RNF115: variants seen among roughly 807,000 people sequenced by gnomAD.
RNF115 encodes the protein ring finger protein 115.
Under a neutral mutation model 39.2 loss-of-function variants are expected in RNF115, and 31 were observed. The observed-to-expected ratio is 0.79, with a 90% CI of 0.59 to 1.07. The LOEUF is 1.07. Among genes scored for constraint, RNF115 ranks in the 50% least tolerant of loss-of-function variants. The pLI is 0.00. For missense variants in RNF115, 384 were observed against 381.7 expected, an observed-to-expected ratio of 1.01 and a Z score of -0.05; for synonymous variants, 124 against 131.0, an observed-to-expected ratio of 0.95 and a Z score of 0.37.
At chr1:145,750,655 T>G (rs1245420563) in intron 6 of RNF115, among the ~76,000 whole-genome samples, 155 bp from the exon 7 acceptor site, 1 of 152,230 alleles carries the variant, frequency 6.6e-6, no homozygotes, top group Non-Finnish European at 1.5e-5. Context: ...TCCCCTTTCC[T>G]GCTGCCAGAA....
chr1:145,819,762 G>A (rs1342732064), intron 1 of RNF115, among the ~76,000 whole-genome samples: 1 of 152,216 alleles, frequency 6.6e-6, no homozygotes, highest in Non-Finnish European at 1.5e-5. Context: ...ATGCAGGCCA[G>A]TGTGGTGGCT....
rs782173833 is a variant in RNF115 at position 145,787,073 on chromosome 1, G to GT, written c.161+1834dup. Reference sequence around the variant, plus strand: ...CCTTCAACTTTAGATTCTGCCAACAGTAACAGTAAAGGAATTACCTACTGC... The same window carrying GT: ...CCTTCAACTTTAGATTCTGCCAACAGTTAACAGTAAAGGAATTACCTACTGC... On this transcript the variant is annotated intron_variant, in intron 2 of 8. Coordinates refer to ENST00000582693, the MANE Select transcript of RNF115 (RefSeq NM_014455.4). 2.8e-5 allele frequency: 36 copies of GT among 1,264,316 alleles called. 1 individual carries two copies. The South Asian group carries it at 4.5e-4, about 16-fold the overall frequency. 78.3% of individuals were successfully genotyped at this position (1,264,316 alleles called of 1,614,324 possible). A position where few individuals can be genotyped will look rare whatever the true frequency, so the allele number is the denominator to read the frequency against.
chr1:145,780,347 G>A (rs1007991890), intron 3 of RNF115, among the ~76,000 whole-genome samples: 3 of 152,076 alleles, frequency 2.0e-5, no homozygotes, highest in African/African-American at 7.2e-5. Context: ...TCGGCCGGGC[G>A]CAGTGGCTCA....
chr1:145,775,023 G>A lies in RNF115; in HGVS notation c.220-3104C>T, dbSNP rs1290688643. 2.0e-5 allele frequency among the ~76,000 whole-genome samples: 3 copies of A among 152,240 alleles called. No homozygotes were observed. The East Asian group carries it at 5.8e-4, about 29-fold the overall frequency. ...GCACTTTGGGAGGCCAAGGCAGGAGGATCGCTTGAGCCCAGGAGTTCAAGA... is the reference window on the plus strand; with the variant it reads ...GCACTTTGGGAGGCCAAGGCAGGAGAATCGCTTGAGCCCAGGAGTTCAAGA... On this transcript the variant is annotated intron_variant, in intron 3 of 8. Coordinates refer to ENST00000582693, the MANE Select transcript of RNF115 (RefSeq NM_014455.4).
At chr1:145,811,857 G>A (rs1285535233) in intron 1 of RNF115, among the ~76,000 whole-genome samples, 7 of 65,854 alleles carry the variant, frequency 1.1e-4, no homozygotes, top group African/African-American at 3.6e-4. Flanking sequence ...CTGCACTGCA[G>A]CCTGGTTGAC....
At chr1:145,783,495 G>A (rs927362579) in intron 3 of RNF115, among the ~76,000 whole-genome samples, 4 of 152,076 alleles carry the variant, frequency 2.6e-5, no homozygotes, top group South Asian at 2.1e-4. Context: ...TATACTACTA[G>A]TACAATTTCA....
chr1:145,767,979 G>A (rs1229385925), intron 4 of RNF115, among the ~76,000 whole-genome samples: 4 of 152,184 alleles, frequency 2.6e-5, no homozygotes, highest in Non-Finnish European at 5.9e-5. Flanking sequence ...GCAAGAGAGG[G>A]AGAGGGAGAC....
chr1:145,772,574 C>T (rs932457488), intron 3 of RNF115: 23 of 152,260 alleles, frequency 1.5e-4, no homozygotes, highest in Admixed American at 7.2e-4. Context: ...CCATGGTTTC[C>T]GCTAAGAAAT....
At chr1:145,778,458 T>A (rs934098623) in intron 3 of RNF115, among the ~76,000 whole-genome samples, 1 of 152,190 alleles carries the variant, frequency 6.6e-6, no homozygotes, top group Non-Finnish European at 1.5e-5. Context: ...CTGTACACTT[T>A]AACAGGGTGA....
intron 3 of RNF115, among the ~76,000 whole-genome samples, chr1:145,776,879 T>C (rs1354721186): frequency 6.6e-6 from 1 of 152,180 alleles, no homozygotes; most frequent in Non-Finnish European, 1.5e-5. Context: ...ATAAAACACC[T>C]TTTCATTTTA....
At position 145,771,819 on chromosome 1, in the gene RNF115, T is replaced by C; in HGVS notation, c.320A>G (p.His107Arg). 1 of 1,614,094 alleles carries C rather than the reference T, an allele frequency of 6.2e-7. No individual in the cohort carries two copies. Among genetic ancestry groups the C allele is most frequent in the Non-Finnish European group, 8.5e-7 (1 of 1,179,916 alleles). Residue 107 changes from histidine (H) to arginine (R), a missense_variant, in exon 4 of 9, where the codon CAC becomes CGC. Transcript: ENST00000582693. ...TCCCCAGAAGTCAGTGTGAGTCTGG[T>C]GACCCCTTTCATTGGCTCTATTATC... ...DQDNRANERGHQTHTDFWGAR... is the reference protein window; with the variant it reads ...DQDNRANERGRQTHTDFWGAR...
chr1:145,800,359 T>C (rs1229558230), intron 1 of RNF115, among the ~76,000 whole-genome samples: 4 of 152,218 alleles, frequency 2.6e-5, no homozygotes, highest in Non-Finnish European at 5.9e-5. Flanking sequence ...TGTGCCCAGA[T>C]GGCCTTCCAG....
intron 3 of RNF115, among the ~76,000 whole-genome samples, chr1:145,783,496 T>A (rs587745260): frequency 6.6e-6 from 1 of 152,198 alleles, no homozygotes; most frequent in African/African-American, 2.4e-5. Flanking sequence ...ATACTACTAG[T>A]ACAATTTCAA....
chr1:145,789,019 G>A (rs1429854563), intron 1 of RNF115, 53 bp from the exon 2 acceptor site: 15 of 1,112,968 alleles, frequency 1.3e-5, no homozygotes, highest in Non-Finnish European at 1.8e-5. Context: ...AAGCTACGTG[G>A]TATCTGTAGT....
At chr1:145,761,551 G>A (rs1053583849) in intron 4 of RNF115, among the ~76,000 whole-genome samples, 7 of 152,244 alleles carry the variant, frequency 4.6e-5, no homozygotes, top group Non-Finnish European at 8.8e-5. Flanking sequence ...CTGAGCCTGC[G>A]AGTGCACTGA....
At chr1:145,778,160 A>T (rs1333383697) in intron 3 of RNF115, among the ~76,000 whole-genome samples, 1 of 152,228 alleles carries the variant, frequency 6.6e-6, no homozygotes, top group East Asian at 1.9e-4. Flanking sequence ...ATAAAAATGA[A>T]GTACTGATAC....
chr1:145,791,366 A>AG (rs1255812749), intron 1 of RNF115, among the ~76,000 whole-genome samples: 1 of 148,766 alleles, frequency 6.7e-6, no homozygotes, highest in East Asian at 2.0e-4. Flanking sequence ...AAAAAAAAAA[A>AG]TTAGCCATGG....
rs1216551130 is a variant in RNF115, at chr1:145,745,725, G to A, written c.*1141C>T. 1 of 151,516 alleles carries A rather than the reference G, an allele frequency of 6.6e-6. No individual in the cohort carries two copies. Among genetic ancestry groups the A allele is most frequent in the Non-Finnish European group, 1.5e-5 (1 of 67,980 alleles). The allele number at this position is 151,516 out of a possible 1,614,324, so 9.4% of individuals were successfully genotyped here. A position where few individuals can be genotyped will look rare whatever the true frequency, so the allele number is the denominator to read the frequency against. On this transcript the variant is annotated 3_prime_UTR_variant, in exon 9 of 9. Transcript: ENST00000582693. ...CTGCCTCGGCCTCCCAAAGTGCTGGGATTACAGGCGTGAGCCACCGCGCCC... is the reference window on the plus strand; with the variant it reads ...CTGCCTCGGCCTCCCAAAGTGCTGGAATTACAGGCGTGAGCCACCGCGCCC...
intron 3 of RNF115, among the ~76,000 whole-genome samples, chr1:145,779,331 C>T (rs1648020653): frequency 6.6e-6 from 1 of 152,056 alleles, no homozygotes; most frequent in Non-Finnish European, 1.5e-5. Context: ...TATGCCACTA[C>T]ACCTGGCTTT....
Sources: gnomAD v4.1 joint callset for allele counts (sites outside exome capture counted in the v4.1 genomes callset) on GRCh38, gnomAD v4.1.1 for gene constraint, MANE v1.5 for transcripts, NCBI Gene and HGNC (gene_info 2026-07-23, HGNC 2026-07-21) for gene names.